ENTPD1: variants seen among roughly 807,000 people sequenced by gnomAD.
ENTPD1 encodes the protein ectonucleoside triphosphate diphosphohydrolase 1, also known as ATP diphosphohydrolase.
In ENTPD1, 33 loss-of-function variants were observed where a neutral mutation model predicts 57.0. That is an observed-to-expected ratio of 0.58 (90% CI 0.44 to 0.77). ENTPD1 has a LOEUF of 0.77. Ranked by LOEUF, ENTPD1 falls within the 30% of genes least tolerant of loss-of-function variation. The pLI, the probability that ENTPD1 is intolerant of heterozygous loss-of-function variation, is 0.00. For synonymous variants in ENTPD1, 202 were observed against 218.8 expected (o/e 0.92, Z 0.68); for missense variants, 501 against 603.4 (o/e 0.83, Z 1.78).
intron 8 of ENTPD1, 131 bp downstream of exon 8, chr10:95,860,713 A>G: frequency 1.4e-6 from 1 of 738,868 alleles, no homozygotes. Context: ...AGAAGACCAG[A>G]TGGTGGACTC....
Position 95,872,835 on chromosome 10 carries a change from C to A in ENTPD1, c.*6452C>A. On this transcript the variant is annotated 3_prime_UTR_variant, in exon 10 of 10. Coordinates refer to ENST00000371205, the MANE Select transcript of ENTPD1 (RefSeq NM_001776.6). ...TCTTTCTCCAGGTTTTAAGAACCAG[C>A]CCAACTCCTGGTTCCCTGATGAAGC... 2 of 985,432 alleles carry A rather than the reference C, an allele frequency of 2.0e-6. No homozygotes were observed. Among genetic ancestry groups the A allele is most frequent in the Non-Finnish European group, 2.4e-6 (2 of 829,932 alleles). The allele number at this position is 985,432 out of a possible 1,614,324, so 61.0% of individuals were successfully genotyped here. A position where few individuals can be genotyped will look rare whatever the true frequency, so the allele number is the denominator to read the frequency against.
chr10:95,741,355 A>G (rs1182177629), intron 1 of ENTPD1, among the ~76,000 whole-genome samples: 1 of 152,216 alleles, frequency 6.6e-6, no homozygotes, highest in East Asian at 1.9e-4. Context: ...TAAGTTCATC[A>G]TCTTATATGG....
chr10:95,779,598 T>C (rs1202094185), intron 1 of ENTPD1, among the ~76,000 whole-genome samples: 1 of 152,164 alleles, frequency 6.6e-6, no homozygotes, highest in Non-Finnish European at 1.5e-5. Context: ...AAATTATAAT[T>C]TCTAGGACTC....
chr10:95,763,488 A>G (rs1212474136), intron 1 of ENTPD1, among the ~76,000 whole-genome samples: 6 of 152,200 alleles, frequency 3.9e-5, no homozygotes, highest in Non-Finnish European at 8.8e-5. Context: ...GTGTAAATCT[A>G]TGAACACTTG....
At chr10:95,699,247 G>A in the ENTPD1 span, among the ~76,000 whole-genome samples, 1 of 152,156 alleles carries the variant, frequency 6.6e-6, no homozygotes, top group East Asian at 1.9e-4. Context: ...AACATTTATA[G>A]AGAGACATGA....
At chr10:95,799,569 G>A (rs548430803) in intron 1 of ENTPD1, among the ~76,000 whole-genome samples, 19 of 152,100 alleles carry the variant, frequency 1.2e-4, no homozygotes, top group African/African-American at 3.9e-4. Context: ...AGTTGATTCC[G>A]TGTCTCTGCT....
At chr10:95,848,783 A>G (rs2098440018) in intron 7 of ENTPD1, among the ~76,000 whole-genome samples, 1 of 152,228 alleles carries the variant, frequency 6.6e-6, no homozygotes, top group African/African-American at 2.4e-5. Context: ...ACTCTAAACC[A>G]ATCTGTGATA....
intron 1 of ENTPD1, among the ~76,000 whole-genome samples, chr10:95,761,870 G>C (rs1054865766): frequency 1.3e-5 from 2 of 152,218 alleles, no homozygotes; most frequent in Non-Finnish European, 2.9e-5. Context: ...AGGTAGCAGG[G>C]ACTCAGGGCT....
At chr10:95,795,640 G>A (rs914722556) in intron 1 of ENTPD1, among the ~76,000 whole-genome samples, 14 of 152,096 alleles carry the variant, frequency 9.2e-5, no homozygotes, top group African/African-American at 2.4e-4. Flanking sequence ...AATAAGTTAC[G>A]TCTTTAAAAT....
chr10:95,845,404 A>C lies in ENTPD1; in HGVS notation c.621A>C (p.Glu207Asp). The stretch of plus-strand genomic sequence containing the variant: ...TCCCATATGAAACCAATAATCAGGA[A>C]ACCTTTGGAGCTTTGGACCTTGGGG... ...SIVPYETNNQ[E>D]TFGALDLGGA... Residue 207 changes from glutamate (E) to aspartate (D), a missense_variant, in exon 6 of 10, where the codon GAA (glutamate) becomes GAC (aspartate). By Grantham distance (45) the Glu-to-Asp change is conservative. Transcript: ENST00000371205. 6.2e-7 allele frequency: 1 copy of C among 1,614,206 alleles called. No homozygotes were observed. The highest frequency in any genetic ancestry group is 1.3e-5 in the African/African-American group (1 of 75,038).
intron 1 of ENTPD1, among the ~76,000 whole-genome samples, chr10:95,757,153 A>G (rs2098030229): frequency 6.6e-6 from 1 of 152,234 alleles, no homozygotes; most frequent in Admixed American, 6.5e-5. Context: ...CGTATAGAAC[A>G]TGGAAGAATA....
Position 95,756,206 on chromosome 10 carries a change from C to A in ENTPD1, c.-34C>A, listed in dbSNP as rs1435890967. The A allele has an allele frequency of 1.1e-5, 18 of 1,582,086 alleles. No homozygotes were observed. Among genetic ancestry groups the A allele is most frequent in the Non-Finnish European group, 1.3e-5 (15 of 1,164,472 alleles). The stretch of plus-strand genomic sequence containing the variant: ...AAGCAGAGGCTGGGGGGGGGAAAGA[C>A]GAGGAAAGAGGAGGAAAACAAAAGC... On this transcript the variant is annotated 5_prime_UTR_variant, in exon 1 of 10. Coordinates refer to ENST00000371205, the MANE Select transcript of ENTPD1 (RefSeq NM_001776.6).
At chr10:95,814,636 G>T (rs1347777893) in intron 1 of ENTPD1, among the ~76,000 whole-genome samples, 2 of 152,074 alleles carry the variant, frequency 1.3e-5, no homozygotes, top group African/African-American at 2.4e-5. Flanking sequence ...GGTCCACTCA[G>T]TATCAGCCAG....
intron 1 of ENTPD1, among the ~76,000 whole-genome samples, chr10:95,732,961 G>A (rs983569644): frequency 7.9e-5 from 12 of 152,292 alleles, no homozygotes; most frequent in Middle Eastern, 6.8e-3. Flanking sequence ...TTTCAGGCAC[G>A]CATTGTCATT....
Position 95,866,312 on chromosome 10 carries a change from C to G in ENTPD1, c.1462C>G (p.Leu488Val), listed in dbSNP as rs1434376009. 1.2e-6 allele frequency: 2 copies of G among 1,614,050 alleles called. No individual in the cohort carries two copies. Among genetic ancestry groups the G allele is most frequent in the Non-Finnish European group, 1.7e-6 (2 of 1,180,042 alleles). ...CCTCATGGTTCTATTCTCCCTGGTC[C>G]TTTTCACAGTGGCCATCATAGGCTT... is the stretch of plus-strand genomic sequence containing the variant. The part of the protein sequence containing the change: ...VFLMVLFSLV[L>V]FTVAIIGLLI... The change falls in exon 10 of 10, where the codon CTT (leucine) becomes GTT (valine). Residue 488 changes from leucine to valine, a missense_variant. Coordinates refer to ENST00000371205, the MANE Select transcript of ENTPD1 (RefSeq NM_001776.6).
Position 95,869,781 on chromosome 10 carries a change from A to G in ENTPD1, c.*3398A>G. ...TGGGTAACACAGGAGAGTTTTCAGA[A>G]AGCAACTAAATCCAAAATACTATCA... On this transcript the variant is annotated 3_prime_UTR_variant, in exon 10 of 10. Coordinates refer to ENST00000371205, the MANE Select transcript of ENTPD1 (RefSeq NM_001776.6). 1 of 776,556 alleles carries G rather than the reference A, an allele frequency of 1.3e-6. No individual in the cohort carries two copies. The highest frequency in any genetic ancestry group is 1.6e-6 in the Non-Finnish European group (1 of 639,778). 48.1% of individuals were successfully genotyped at this position (776,556 alleles called of 1,614,324 possible).
At chr10:95,815,471 C>A (rs2098326843) in intron 1 of ENTPD1, among the ~76,000 whole-genome samples, 1 of 152,198 alleles carries the variant, frequency 6.6e-6, no homozygotes, top group Admixed American at 6.5e-5. Flanking sequence ...GTCCAGACAA[C>A]CCTTCCAGCC....
At chr10:95,770,256 A>AGT (rs1555282687) in intron 1 of ENTPD1, among the ~76,000 whole-genome samples, 20,554 of 134,966 alleles carry the variant, frequency 0.15, 1,725 homozygotes, top group African/African-American at 0.25. Flanking sequence ...TGAGTGAGTG[A>AGT]GTGTGTGTGT....
chr10:95,724,561 G>A (rs1343005396), intron 1 of ENTPD1, among the ~76,000 whole-genome samples: 9 of 152,150 alleles, frequency 5.9e-5, no homozygotes, highest in Non-Finnish European at 1.0e-4. Flanking sequence ...GGAACCCAGC[G>A]ACTAGTGTTC....
Sources: allele counts gnomAD v4.1 joint callset (sites outside exome capture counted in the v4.1 genomes callset), GRCh38; gene constraint gnomAD v4.1.1; transcripts MANE v1.5; gene names NCBI Gene and HGNC (gene_info 2026-07-23, HGNC 2026-07-21).